The following SRI variants were observed in gnomAD, a reference collection of about 807,000 sequenced individuals.
The protein encoded by SRI is sorcin.
In SRI, 30 loss-of-function variants were observed where a neutral mutation model predicts 33.3. The ratio of observed to expected loss-of-function variants is 0.90; its 90% CI spans 0.67 to 1.22. SRI has a LOEUF of 1.22. Among genes scored for constraint, SRI ranks in the 50% most tolerant of loss-of-function variants. The pLI is 0.00. For missense variants in SRI, 243 were observed against 250.8 expected, an observed-to-expected ratio of 0.97 and a Z score of 0.21; for synonymous variants, 75 against 89.9, an observed-to-expected ratio of 0.83 and a Z score of 0.94.
In SRI at chr7:88,206,439, G is replaced by T; in HGVS notation, c.*39C>A. 3 of 1,612,846 alleles carry T rather than the reference G, an allele frequency of 1.9e-6. No homozygotes were observed. Among genetic ancestry groups the T allele is most frequent in the Non-Finnish European group, 2.5e-6 (3 of 1,178,892 alleles). Reference sequence around the variant, plus strand: ...AGAGGACAAGCAAAGGAGAGCTCCAGTTGGAATGTTGATTACATTCATGCA... The same window carrying T: ...AGAGGACAAGCAAAGGAGAGCTCCATTTGGAATGTTGATTACATTCATGCA... On this transcript the variant is annotated 3_prime_UTR_variant, in exon 8 of 8. Coordinates refer to ENST00000265729, the MANE Select transcript of SRI (RefSeq NM_003130.4).
In SRI at chr7:88,206,252, C is replaced by A; in HGVS notation, c.*226G>T. ...AAATAAGGCATGACTGATAATGGCT[C>A]AGGAAAGTTCTAAATGGTGTAACAG... On this transcript the variant is annotated 3_prime_UTR_variant, in exon 8 of 8. Transcript: ENST00000265729. 1.7e-6 allele frequency: 1 copy of A among 575,762 alleles called. No homozygotes were observed. The highest frequency in any genetic ancestry group is 2.2e-5 in the South Asian group (1 of 45,296). 35.7% of individuals were successfully genotyped at this position (575,762 alleles called of 1,614,324 possible).
rs763465436 is a variant in SRI, at chr7:88,210,052, T to A, written c.328A>T (p.Ile110Phe). ...CCACTCCTGTCAGTGTCAAAACTGA[T>A]AAAGTGTTGTCTCCAGCCATTCAGT... The part of the protein sequence containing the change: ...AVLNGWRQHF[I>F]SFDTDRSGTV... The change falls in exon 5 of 8, where the codon ATC becomes TTC. Residue 110 changes from isoleucine (I) to phenylalanine (F), a missense_variant. Physicochemically the swap from Ile to Phe is conservative, Grantham distance 21. Coordinates refer to ENST00000265729, the MANE Select transcript of SRI (RefSeq NM_003130.4). 6.2e-7 allele frequency: 1 copy of A among 1,614,182 alleles called. No individual in the cohort carries two copies. Among genetic ancestry groups the A allele is most frequent in the South Asian group, 1.1e-5 (1 of 91,086 alleles).
intron 7 of SRI, among the ~76,000 whole-genome samples, chr7:88,206,808 A>T (rs1449842688): frequency 6.6e-6 from 1 of 152,200 alleles, no homozygotes; most frequent in Non-Finnish European, 1.5e-5. Context: ...CAAGACTAGA[A>T]ATGGCCGTGG....
chr7:88,224,403 T>C (rs531745067), upstream of SRI, among the ~76,000 whole-genome samples: 1 of 152,356 alleles, frequency 6.6e-6, no homozygotes, highest in East Asian at 1.9e-4. Context: ...GAATTAACCA[T>C]AGGTCTTCAC....
In SRI at chr7:88,218,978, G is replaced by GA; in HGVS notation, c.52-37dup. On this transcript the variant is annotated intron_variant, in intron 1 of 7. Transcript: ENST00000265729. ...GGAAACACATACACGTCATTCTGCC[G>GA]AATCAAGTTTTCTTCTTTCACCACT... is the stretch of plus-strand genomic sequence containing the variant. 2.5e-6 allele frequency: 4 copies of GA among 1,589,758 alleles called. No individual in the cohort carries two copies. The South Asian group carries it at 3.3e-5, about 13-fold the overall frequency.
chr7:88,219,201 C>A, intron 1 of SRI: 1 of 471,678 alleles, frequency 2.1e-6, no homozygotes. Context: ...TTTTAAAATC[C>A]CTATTAACCT....
At chr7:88,208,607 G>A in intron 6 of SRI, 42 bp from the exon 7 acceptor site, 1 of 1,610,400 alleles carries the variant, frequency 6.2e-7, no homozygotes, top group Middle Eastern at 1.7e-4. Flanking sequence ...TTCTTTAAAT[G>A]GTTTTTCTAA....
At chr7:88,219,337 G>A (rs1018469211) in intron 1 of SRI, 2 of 287,726 alleles carry the variant, frequency 7.0e-6, no homozygotes, top group African/African-American at 2.2e-5. Flanking sequence ...GGCTGGAGTT[G>A]GTAACATTCT....
intron 1 of SRI, 167 bp from the exon 2 acceptor site, chr7:88,219,109 A>G (rs1851813661): frequency 1.5e-6 from 1 of 655,556 alleles, no homozygotes; most frequent in South Asian, 1.6e-5. Flanking sequence ...CCTCTCTTCC[A>G]TTCACACCCC....
chr7:88,210,985 GGA>G, intron 3 of SRI, 60 bp from the exon 4 acceptor site: 3 of 1,264,826 alleles, frequency 2.4e-6, no homozygotes, highest in Non-Finnish European at 3.5e-6. Context: ...ACATTACACT[GGA>G]TACATTCAAA....
upstream of SRI, among the ~76,000 whole-genome samples, chr7:88,224,688 G>A (rs1220607581): frequency 6.6e-6 from 1 of 152,154 alleles, no homozygotes; most frequent in Admixed American, 6.5e-5. Context: ...CGGAGTAAGA[G>A]CTCAGTTAAT....
chr7:88,217,015 T>G, intron 3 of SRI, 107 bp downstream of exon 3: 1 of 1,017,144 alleles, frequency 9.8e-7, no homozygotes, highest in South Asian at 1.3e-5. Context: ...TTCTAAACTT[T>G]GCTAGATCCG....
upstream of SRI, among the ~76,000 whole-genome samples, chr7:88,224,484 T>C (rs43109): frequency 0.26 from 39,598 of 152,126 alleles, 6,146 homozygotes; most frequent in East Asian, 0.75. Flanking sequence ...CTGATCTGGG[T>C]GTGGCACCTC....
At chr7:88,220,070 C>T (rs768036455), upstream of SRI, 4 of 1,494,768 alleles carry the variant, frequency 2.7e-6, no homozygotes, top group East Asian at 5.5e-5. Flanking sequence ...TGCGCCAGGC[C>T]TCTCCGCCCC....
upstream of SRI, chr7:88,220,069 C>A (rs553340570): frequency 2.6e-4 from 385 of 1,494,958 alleles, 1 homozygote; most frequent in African/African-American, 3.5e-3. Context: ...GTGCGCCAGG[C>A]CTCTCCGCCC....
chr7:88,210,409 G>A (rs73397627), intron 4 of SRI: 5,373 of 455,894 alleles, frequency 0.012, 239 homozygotes, highest in African/African-American at 0.096. Context: ...TCTTGTTACT[G>A]GAACTAGGCT....
upstream of SRI, among the ~76,000 whole-genome samples, chr7:88,220,854 G>C (rs2115817624): frequency 6.6e-6 from 1 of 152,312 alleles, no homozygotes; most frequent in East Asian, 1.9e-4. Context: ...CAAACTAATA[G>C]TGTACTGGTA....
intron 4 of SRI, 188 bp from the exon 5 acceptor site, chr7:88,210,318 T>A (rs1284132812): frequency 4.5e-6 from 3 of 664,790 alleles, no homozygotes; most frequent in African/African-American, 3.6e-5. Flanking sequence ...AGTGCCAATT[T>A]TTACTGTGGG....
intron 6 of SRI, chr7:88,209,098 T>C: frequency 2.8e-6 from 1 of 353,916 alleles, no homozygotes. Context: ...TGATTGTGTT[T>C]TAGAACATTT....
Sources: gnomAD v4.1 joint callset for allele counts (sites outside exome capture counted in the v4.1 genomes callset) on GRCh38, gnomAD v4.1.1 for gene constraint, MANE v1.5 for transcripts, NCBI Gene and HGNC (gene_info 2026-07-23, HGNC 2026-07-21) for gene names.